MROH2A: variants seen among roughly 807,000 people sequenced by gnomAD.
MROH2A encodes maestro heat like repeat family member 2A.
A neutral mutation model predicts 200.4 loss-of-function variants in MROH2A; 174 were observed. That is an observed-to-expected ratio of 0.87 (90% CI 0.77 to 0.98). The LOEUF (loss-of-function observed/expected upper bound fraction) is 0.98, where lower values mean the gene tolerates loss of function less well. Among genes scored for constraint, MROH2A ranks in the 50% least tolerant of loss-of-function variants. The pLI is 0.00. For synonymous variants in MROH2A, 829 were observed against 840.4 expected (o/e 0.99, Z 0.23); for missense variants, 2,045 against 2,139.6 (o/e 0.96, Z 0.87).
At chr2:233,796,112 G>T in intron 10 of MROH2A, 67 bp downstream of exon 10, 1 of 1,519,328 alleles carries the variant, frequency 6.6e-7, no homozygotes, top group African/African-American at 1.4e-5. Flanking sequence ...AGGAGTCCCG[G>T]CCCCTCTGAG....
At chr2:233,802,385 C>A in intron 15 of MROH2A, 70 bp downstream of exon 15, 1 of 1,470,582 alleles carries the variant, frequency 6.8e-7, no homozygotes, top group South Asian at 1.3e-5. Flanking sequence ...GAATGCCCAC[C>A]CCTCTCCACA....
chr2:233,800,151 C>A, intron 13 of MROH2A, 54 bp from the exon 14 acceptor site: 1 of 1,342,888 alleles, frequency 7.4e-7, no homozygotes, highest in Non-Finnish European at 1.0e-6. Flanking sequence ...CACCTGAGAC[C>A]ACGACAAACC....
intron 33 of MROH2A, 40 bp downstream of exon 33, chr2:233,822,596 G>C: frequency 6.5e-7 from 1 of 1,533,072 alleles, no homozygotes; most frequent in Non-Finnish European, 8.8e-7. Flanking sequence ...GCAGGCCTGG[G>C]CTGGCTGTAG....
In MROH2A at chr2:233,805,038, C is replaced by A; in HGVS notation, c.1979C>A (p.Ser660Tyr). The change falls in exon 19 of 42, where the codon TCT becomes TAT. Residue 660 changes from serine (S) to tyrosine (Y), a missense_variant. Coordinates refer to ENST00000389758, the MANE Select transcript of MROH2A (RefSeq NM_001394639.1). ...LRNSLKKTRG[S>Y]SWSLRLSKEL... ...AACTCCCTCAAGAAGACCCGGGGGT[C>A]TAGCTGGAGCCTGCGCTTGAGTAAA... is the stretch of plus-strand genomic sequence containing the variant. 6.5e-7 allele frequency: 1 copy of A among 1,550,266 alleles called. No homozygotes were observed. The highest frequency in any genetic ancestry group is 1.2e-5 in the South Asian group (1 of 84,022).
chr2:233,807,986 T>A lies in MROH2A; in HGVS notation c.2295+131T>A. Reference sequence around the variant, plus strand: ...CGGAGTCTCCTGTCATCAAAATGGCTGAGACATTGTCTTACTCTGAGACCT... The same window carrying A: ...CGGAGTCTCCTGTCATCAAAATGGCAGAGACATTGTCTTACTCTGAGACCT... On this transcript the variant is annotated intron_variant, in intron 21 of 41. Transcript: ENST00000389758. This position sits in a 1 kb window ranked among gnomAD's most constrained non-coding sequence, Gnocchi z 4.3. 1 of 1,199,122 alleles carries A rather than the reference T, an allele frequency of 8.3e-7. No homozygotes were observed. The highest frequency in any genetic ancestry group is 1.2e-6 in the Non-Finnish European group (1 of 851,550). The allele number at this position is 1,199,122 out of a possible 1,614,324, so 74.3% of individuals were successfully genotyped here.
At chr2:233,779,951 T>A (rs1700868536) in intron 3 of MROH2A, 99 bp downstream of exon 3, 2 of 1,039,664 alleles carry the variant, frequency 1.9e-6, no homozygotes, top group Admixed American at 4.7e-5. Flanking sequence ...ATGTGATGTG[T>A]GGTACTGGGA....
chr2:233,778,226 G>T, upstream of MROH2A: 1 of 155,208 alleles, frequency 6.4e-6, no homozygotes. Context: ...TCAAAGACCT[G>T]GGTTGATAGA....
Position 233,805,097 on chromosome 2 carries a change from C to T in MROH2A, c.2038C>T (p.Pro680Ser). The T allele has an allele frequency of 6.5e-7, 1 of 1,549,204 alleles. No homozygotes were observed. The highest frequency in any genetic ancestry group is 8.7e-7 in the Non-Finnish European group (1 of 1,146,100). ...CAACCAGATTGCGAGCTTTGACAGCCCCTCTCTGGAGAAGGTTTGTCTTCA... is the reference window on the plus strand; with the variant it reads ...CAACCAGATTGCGAGCTTTGACAGCTCCTCTCTGGAGAAGGTTTGTCTTCA... The part of the protein sequence containing the change: ...LNNQIASFDS[P>S]SLEKGFLYRA... The change falls in exon 19 of 42, where the codon CCC becomes TCC. Residue 680 changes from proline to serine, a missense_variant. By Grantham distance (74) the Pro-to-Ser change is moderately conservative. Around this residue, in one of 3 missense-constraint regions of MROH2A, gnomAD observed 1,201 missense variants for 1,311.3 expected, o/e 0.92. Coordinates refer to ENST00000389758, the MANE Select transcript of MROH2A (RefSeq NM_001394639.1).
intron 40 of MROH2A, 117 bp downstream of exon 40, chr2:233,832,396 G>A (rs1019542185): frequency 9.9e-6 from 10 of 1,013,372 alleles, no homozygotes; most frequent in Non-Finnish European, 1.5e-5. Flanking sequence ...TGAGACCAGA[G>A]CTCAGGTCTA....
chr2:233,779,598 A>G (rs1022319253), intron 2 of MROH2A, 73 bp from the exon 3 acceptor site: 1 of 1,504,330 alleles, frequency 6.6e-7, no homozygotes, highest in Admixed American at 2.0e-5. Flanking sequence ...GGTGGAGGCA[A>G]GGCCAGGGAC....
In MROH2A at chr2:233,810,969, T is replaced by C. The variant is rs1239995929; in HGVS notation, c.2571+53T>C. On this transcript the variant is annotated intron_variant, in intron 23 of 41. Transcript: ENST00000389758. ...CCTGTTCCTGGTTTTGGGGTCTAAC[T>C]CCCTGCGGTGAGAGGTTTTCAAAGT... The C allele has an allele frequency of 8.1e-5, 124 of 1,539,544 alleles. 1 individual carries two copies. The highest frequency in any genetic ancestry group is 1.1e-4 in the Non-Finnish European group (124 of 1,140,498).
Position 233,822,448 on chromosome 2 carries a change from T to G in MROH2A, c.3758T>G (p.Leu1253Arg), listed in dbSNP as rs908204382. The change falls in exon 33 of 42, where the codon CTC (leucine) becomes CGC (arginine). Residue 1253 changes from leucine (L) to arginine (R), a missense_variant. By Grantham distance (102) the Leu-to-Arg change is moderately radical. Transcript: ENST00000389758. ...TTCCTCCCTGACCTCATCTACACCC[T>G]CCTGCTGCAGCTTGGAAGCAGCCAC... ...PDFLPDLIYT[L>R]LLQLGSSHRP... The G allele has an allele frequency of 3.2e-6, 5 of 1,550,978 alleles. No individual in the cohort carries two copies. The highest frequency in any genetic ancestry group is 4.4e-6 in the Non-Finnish European group (5 of 1,147,082).
chr2:233,829,113 G>A (rs1382801509), intron 37 of MROH2A, 41 bp downstream of exon 37: 4 of 1,461,590 alleles, frequency 2.7e-6, no homozygotes, highest in African/African-American at 2.8e-5. Flanking sequence ...CTCAGTGAAG[G>A]AGGGGCACTT....
chr2:233,832,134 G>T, intron 39 of MROH2A, 43 bp from the exon 40 acceptor site: 1 of 1,461,536 alleles, frequency 6.8e-7, no homozygotes, highest in Non-Finnish European at 9.3e-7. Context: ...CCATTGTCAG[G>T]GTCTCATCCT....
At chr2:233,791,770 G>A (rs1366195675) in intron 5 of MROH2A, among the ~76,000 whole-genome samples, 1 of 152,172 alleles carries the variant, frequency 6.6e-6, no homozygotes, top group Non-Finnish European at 1.5e-5. Context: ...CTGCCAAGGG[G>A]TCCAGTGAGA....
At chr2:233,829,473 T>C (rs1221769647) in intron 37 of MROH2A, 147 bp from the exon 38 acceptor site, 2 of 766,860 alleles carry the variant, frequency 2.6e-6, no homozygotes, top group East Asian at 6.5e-5. Flanking sequence ...GGCTACGTGA[T>C]CCCTGCCAAA....
intron 31 of MROH2A, among the ~76,000 whole-genome samples, chr2:233,821,576 C>T (rs1181583281): frequency 6.6e-6 from 1 of 152,218 alleles, no homozygotes; most frequent in Non-Finnish European, 1.5e-5. Context: ...TGCCTCTGTA[C>T]CTATCCTGGG....
chr2:233,818,570 C>T, intron 28 of MROH2A, 82 bp from the exon 29 acceptor site: 1 of 867,558 alleles, frequency 1.2e-6, no homozygotes. Flanking sequence ...GCCTGCAAAG[C>T]CAGGGCAGGA....
chr2:233,810,119 C>G (rs145901774), intron 22 of MROH2A, among the ~76,000 whole-genome samples: 1 of 152,142 alleles, frequency 6.6e-6, no homozygotes, highest in Non-Finnish European at 1.5e-5. Flanking sequence ...ACATAGGGCT[C>G]GGGGCCCCTG....
Sources: gnomAD v4.1 joint callset for allele counts (sites outside exome capture counted in the v4.1 genomes callset) on GRCh38, gnomAD v4.1.1 for gene constraint, gnomAD v4.1.1 regional missense constraint, Gnocchi (gnomAD v3.1) non-coding constraint, MANE v1.5 for transcripts, NCBI Gene and HGNC (gene_info 2026-07-23, HGNC 2026-07-21) for gene names.